LRPPRC: variants seen among roughly 807,000 people sequenced by gnomAD.
LRPPRC encodes leucine rich pentatricopeptide repeat containing.
In LRPPRC, 120 loss-of-function variants were observed where a neutral mutation model predicts 180.3. That is an observed-to-expected ratio of 0.67 (90% CI 0.57 to 0.77). LRPPRC has a LOEUF of 0.77. LRPPRC is among the 30% of genes least tolerant of loss of function. The pLI is 0.00. For missense variants in LRPPRC, 2,012 were observed against 1,657.2 expected (o/e 1.21, Z -3.72); for synonymous variants, 723 against 600.0 (o/e 1.21, Z -3.00).
chr2:43,894,098 G>A (rs1174407411), intron 36 of LRPPRC, among the ~76,000 whole-genome samples: 1 of 152,052 alleles, frequency 6.6e-6, no homozygotes, highest in African/African-American at 2.4e-5. Context: ...TTAATCAAGG[G>A]TCTGTCATTT....
intron 21 of LRPPRC, among the ~76,000 whole-genome samples, 184 bp downstream of exon 21, chr2:43,945,929 C>T (rs1181618082): frequency 6.8e-6 from 1 of 146,192 alleles, no homozygotes; most frequent in African/African-American, 2.5e-5. Flanking sequence ...AACAAAGACA[C>T]CTTGCTGAAC....
chr2:43,907,184 C>T (rs1671091665), intron 30 of LRPPRC, among the ~76,000 whole-genome samples: 2 of 152,128 alleles, frequency 1.3e-5, no homozygotes, highest in Non-Finnish European at 2.9e-5. Context: ...AAGCCTGTAA[C>T]ATTCTTTTTC....
intron 1 of LRPPRC, among the ~76,000 whole-genome samples, chr2:43,983,971 A>T (rs1254138328): frequency 1.3e-5 from 2 of 152,168 alleles, no homozygotes; most frequent in African/African-American, 4.8e-5. Context: ...AAATAAGACA[A>T]TGTCTTATTT....
chr2:43,905,133 A>G (rs1209158701), intron 31 of LRPPRC, among the ~76,000 whole-genome samples: 1 of 152,236 alleles, frequency 6.6e-6, no homozygotes, highest in Non-Finnish European at 1.5e-5. Flanking sequence ...AACTTCAAAC[A>G]AACACTGTAT....
At chr2:43,974,903 T>C (rs1449825492) in intron 7 of LRPPRC, 145 bp from the exon 8 acceptor site, 26 of 956,866 alleles carry the variant, frequency 2.7e-5, no homozygotes, top group Non-Finnish European at 3.7e-5. Context: ...GGAAATACTC[T>C]ACTTCAACAG....
At chr2:43,995,990 G>T (rs917955583), upstream of LRPPRC, 8 of 1,520,624 alleles carry the variant, frequency 5.3e-6, no homozygotes, top group Admixed American at 1.0e-4. Flanking sequence ...CCGCCAGAAG[G>T]ACAGGAGGAG....
At chr2:43,965,131 A>G (rs767377112) in intron 11 of LRPPRC, among the ~76,000 whole-genome samples, 11 of 152,164 alleles carry the variant, frequency 7.2e-5, no homozygotes, top group Non-Finnish European at 1.6e-4. Flanking sequence ...CCTCCTGGGT[A>G]GCTGGGATTA....
intron 3 of LRPPRC, 86 bp downstream of exon 3, chr2:43,979,740 A>G: frequency 8.4e-7 from 1 of 1,188,332 alleles, no homozygotes; most frequent in Non-Finnish European, 1.2e-6. Flanking sequence ...AAACTGAATT[A>G]CAGCATTTAT....
At chr2:43,994,862 C>T (rs894957068) in intron 1 of LRPPRC, among the ~76,000 whole-genome samples, 2 of 152,198 alleles carry the variant, frequency 1.3e-5, no homozygotes, top group Middle Eastern at 3.2e-3. Context: ...AGCATTTATT[C>T]GCCTATCTGA....
At chr2:43,892,761 G>T (rs1670537007) in intron 36 of LRPPRC, 1 of 151,746 alleles carries the variant, frequency 6.6e-6, no homozygotes, top group East Asian at 1.9e-4. Flanking sequence ...CCTGCACAAA[G>T]ATGACACGCA....
chr2:43,990,876 C>T (rs1488285650), intron 1 of LRPPRC, among the ~76,000 whole-genome samples: 7 of 146,068 alleles, frequency 4.8e-5, no homozygotes, highest in Admixed American at 2.1e-4. Context: ...GATGGAGTCT[C>T]GCTTCGTAGC....
intron 30 of LRPPRC, among the ~76,000 whole-genome samples, chr2:43,910,482 G>A (rs1177213410): frequency 3.9e-5 from 6 of 152,086 alleles, no homozygotes; most frequent in East Asian, 1.9e-4. Context: ...GGATCCTTCC[G>A]CCTTGGCCTC....
intron 34 of LRPPRC, 65 bp downstream of exon 34, chr2:43,899,154 G>T: frequency 9.1e-7 from 1 of 1,093,644 alleles, no homozygotes; most frequent in Non-Finnish European, 1.4e-6. Flanking sequence ...CCTATGTCTA[G>T]TAATTTCTCA....
intron 15 of LRPPRC, among the ~76,000 whole-genome samples, chr2:43,950,366 C>T (rs1672852275): frequency 6.6e-6 from 1 of 152,110 alleles, no homozygotes; most frequent in African/African-American, 2.4e-5. Flanking sequence ...CTTCCTGATC[C>T]TCTCCCTCCT....
At chr2:43,888,767 T>A in intron 37 of LRPPRC, 111 bp from the exon 38 acceptor site, 1 of 689,980 alleles carries the variant, frequency 1.4e-6, no homozygotes, top group Non-Finnish European at 2.7e-6. Context: ...GCCAGGCCCA[T>A]GGAAGATGCT....
At chr2:43,920,352 T>A (rs1341813725) in intron 27 of LRPPRC, among the ~76,000 whole-genome samples, 1 of 152,128 alleles carries the variant, frequency 6.6e-6, no homozygotes, top group African/African-American at 2.4e-5. Flanking sequence ...GCCAGGCTGG[T>A]CTTGAACCCC....
chr2:43,925,438 T>C (rs1671841952), intron 26 of LRPPRC, among the ~76,000 whole-genome samples: 1 of 152,154 alleles, frequency 6.6e-6, no homozygotes, highest in African/African-American at 2.4e-5. Flanking sequence ...AATTCAAAGG[T>C]ATCTGGGTGG....
intron 1 of LRPPRC, among the ~76,000 whole-genome samples, chr2:43,992,797 G>A (rs1021898775): frequency 3.3e-5 from 5 of 152,138 alleles, no homozygotes; most frequent in Non-Finnish European, 5.9e-5. Context: ...AGGAACAGAT[G>A]AAAGAAGAAG....
intron 1 of LRPPRC, among the ~76,000 whole-genome samples, chr2:43,985,691 T>C (rs903491585): frequency 6.6e-6 from 1 of 152,238 alleles, no homozygotes; most frequent in Non-Finnish European, 1.5e-5. Flanking sequence ...TTGAATAATG[T>C]TCTTTTGTAG....
Sources: gnomAD v4.1 joint callset for allele counts (sites outside exome capture counted in the v4.1 genomes callset) on GRCh38, gnomAD v4.1.1 for gene constraint, MANE v1.5 for transcripts, NCBI Gene and HGNC (gene_info 2026-07-23, HGNC 2026-07-21) for gene names.